Variants in CFAP74 observed in about 807,000 individuals in gnomAD.
CFAP74 encodes the protein cilia and flagella associated protein 74.
CFAP74 carries 124 observed loss-of-function variants against 188.9 expected under a neutral mutation model. The observed-to-expected ratio is 0.66, with a 90% CI of 0.57 to 0.76. The LOEUF (loss-of-function observed/expected upper bound fraction) is 0.76, where lower values mean the gene tolerates loss of function less well. Among genes scored for constraint, CFAP74 ranks in the 30% least tolerant of loss-of-function variants. The pLI is 0.00. For synonymous variants in CFAP74, 956 were observed against 916.7 expected (o/e 1.04, Z -0.77); for missense variants, 2,198 against 2,165.2 (o/e 1.02, Z -0.30).
intron 6 of CFAP74, among the ~76,000 whole-genome samples, chr1:1,978,319 T>TGGACCTGGGAGGGGTGGTGG (rs1486187576): frequency 3.4e-4 from 51 of 151,734 alleles, no homozygotes; most frequent in African/African-American, 1.2e-3. Flanking sequence ...GGGGCGATGC[T>TGGACCTGGGAGGGGTGGTGG]GGACCTGGGA....
At position 1,974,059 on chromosome 1, in the gene CFAP74, C is replaced by T; in HGVS notation, c.640G>A (p.Gly214Arg). Residue 214 changes from glycine to arginine, a missense_variant, in exon 7 of 39, where the codon GGG becomes AGG. Transcript: ENST00000682832. ...EQLCREQEAL[G>R]KVERNRLLRI... ...AGCAGTCGGTTCCGCTCCACCTTCC[C>T]CAGGGCCTCCTGCTCTCTGCAGAGC... 1 of 1,600,930 alleles carries T rather than the reference C, an allele frequency of 6.2e-7. No homozygotes were observed. Among genetic ancestry groups the T allele is most frequent in the Non-Finnish European group, 8.5e-7 (1 of 1,171,598 alleles).
chr1:1,929,679 G>C (rs1441343008), intron 26 of CFAP74, among the ~76,000 whole-genome samples: 1 of 151,854 alleles, frequency 6.6e-6, no homozygotes, highest in Non-Finnish European at 1.5e-5. Context: ...GTGCTGGGTG[G>C]GAGTGGCCGA....
At chr1:1,970,514 C>A in intron 10 of CFAP74, 145 bp downstream of exon 10, 1 of 883,942 alleles carries the variant, frequency 1.1e-6, no homozygotes. Flanking sequence ...CCTGGAGCCC[C>A]TGTTCCCGTG....
intron 1 of CFAP74, among the ~76,000 whole-genome samples, chr1:1,999,614 C>T (rs942203466): frequency 6.6e-6 from 1 of 151,370 alleles, no homozygotes; most frequent in Non-Finnish European, 1.5e-5. Context: ...GTCAGGAGTT[C>T]GAGACCAGCC....
In CFAP74 at chr1:1,972,306, C is replaced by T. The variant is rs540467773; in HGVS notation, c.786-224G>A. ...TGTGGGGTGTTAATTACAGGAGCCT[C>T]GGTGCTATCATTTCCACCAGGAATG... On this transcript the variant is annotated intron_variant, in intron 8 of 38. Transcript: ENST00000682832. 2.6e-5 allele frequency among the ~76,000 whole-genome samples: 4 copies of T among 152,312 alleles called. 1 individual carries two copies. In the East Asian group the frequency reaches 5.8e-4, roughly 22 times the overall value.
At chr1:1,966,834 CTCATTT>C (rs1655507192) in intron 11 of CFAP74, among the ~76,000 whole-genome samples, 1 of 150,664 alleles carries the variant, frequency 6.6e-6, no homozygotes, top group Non-Finnish European at 1.5e-5. Flanking sequence ...CTCATCTGTT[CTCATTT>C]TTTTTTTTTT....
At chr1:1,957,734 T>G (rs576309802) in intron 16 of CFAP74, among the ~76,000 whole-genome samples, 103 of 151,382 alleles carry the variant, frequency 6.8e-4, no homozygotes, top group African/African-American at 2.5e-3. Flanking sequence ...GCTCCCAGGC[T>G]GAGCAGGAGG....
chr1:1,954,553 TG>T (rs1449984576), intron 18 of CFAP74: 1 of 159,088 alleles, frequency 6.3e-6, no homozygotes, highest in African/African-American at 2.4e-5. Flanking sequence ...GAGGCTGAGG[TG>T]GGCAGACAGC....
At chr1:1,976,293 C>T (rs556835145) in intron 6 of CFAP74, among the ~76,000 whole-genome samples, 1 of 152,238 alleles carries the variant, frequency 6.6e-6, no homozygotes, top group African/African-American at 2.4e-5. Flanking sequence ...GTGTTGGGGT[C>T]GTGGGGCGGC....
At chr1:1,952,594 G>GAAAGAAAA (rs745471624) in intron 18 of CFAP74, among the ~76,000 whole-genome samples, 5 of 150,314 alleles carry the variant, frequency 3.3e-5, no homozygotes, top group African/African-American at 1.2e-4. Flanking sequence ...CAAAGAAAAA[G>GAAAGAAAA]AAAGAAAGAA....
At chr1:1,926,844 C>G in intron 29 of CFAP74, 50 bp downstream of exon 29, 1 of 1,549,250 alleles carries the variant, frequency 6.5e-7, no homozygotes, top group Non-Finnish European at 8.7e-7. Context: ...AGCAGAGGGA[C>G]AGCGCGTTTG....
At chr1:1,935,867 T>TACACACACACAC (rs35582265) in intron 25 of CFAP74, among the ~76,000 whole-genome samples, 2 of 147,802 alleles carry the variant, frequency 1.4e-5, no homozygotes, top group African/African-American at 5.0e-5. Context: ...TTTTCAGCAC[T>TACACACACACAC]ACACACACAC....
At chr1:1,941,500 G>A (rs1035356186) in intron 22 of CFAP74, among the ~76,000 whole-genome samples, 1 of 152,228 alleles carries the variant, frequency 6.6e-6, no homozygotes, top group Non-Finnish European at 1.5e-5. Context: ...TTAGACGAGG[G>A]ACAGCTGGGT....
At chr1:1,960,136 T>C in intron 14 of CFAP74, 106 bp from the exon 15 acceptor site, 1 of 954,644 alleles carries the variant, frequency 1.0e-6, no homozygotes. Flanking sequence ...CTCCTCCCCA[T>C]CCCGGGCCTG....
intron 25 of CFAP74, among the ~76,000 whole-genome samples, chr1:1,931,211 C>T (rs904919231): frequency 2.6e-5 from 4 of 151,938 alleles, no homozygotes; most frequent in Non-Finnish European, 4.4e-5. Flanking sequence ...GGGCGGATCA[C>T]GAGGTCAGGA....
chr1:1,979,489 C>T (rs1293017847), intron 6 of CFAP74, among the ~76,000 whole-genome samples: 1 of 140,944 alleles, frequency 7.1e-6, no homozygotes, highest in Non-Finnish European at 1.6e-5. Flanking sequence ...TGGTACTGAG[C>T]TGGGCGTGGG....
At position 1,971,935 on chromosome 1, in the gene CFAP74, G is replaced by A. The variant is rs747792505; in HGVS notation, c.888+45C>T. ...GAGCAGGGGCCCAGGGACGGACCCC[G>A]GCAGGGCGCCAAGGGAGAGGCTGGG... On this transcript the variant is annotated intron_variant, in intron 9 of 38. Transcript: ENST00000682832. 4.2e-5 allele frequency: 62 copies of A among 1,478,204 alleles called. No homozygotes were observed. The Middle Eastern group carries it at 5.1e-4, about 12-fold the overall frequency. The allele number at this position is 1,478,204 out of a possible 1,614,324, so 91.6% of individuals were successfully genotyped here.
Position 1,930,076 on chromosome 1 carries a change from G to T in CFAP74, c.3272C>A (p.Thr1091Asn). ...SPITISPSVG[T>N]VWPGKRCLVQ... ...CACACCCACCTTTCCTGGCCACACG[G>T]TCCCCACTGAGGGCGAGATGGTGAT... The change falls in exon 26 of 39, where the codon ACC (threonine) becomes AAC (asparagine). Residue 1091 changes from threonine (T) to asparagine (N), a missense_variant. By Grantham distance (65) the Thr-to-Asn change is moderately conservative. Coordinates refer to ENST00000682832, the MANE Select transcript of CFAP74 (RefSeq NM_001304360.2). 6.6e-7 allele frequency: 1 copy of T among 1,526,520 alleles called. No individual in the cohort carries two copies. The highest frequency in any genetic ancestry group is 1.4e-5 in the African/African-American group (1 of 73,004). The allele number at this position is 1,526,520 out of a possible 1,614,324, so 94.6% of individuals were successfully genotyped here.
intron 1 of CFAP74, among the ~76,000 whole-genome samples, chr1:1,991,836 G>A (rs571295425): frequency 2.8e-4 from 43 of 152,016 alleles, no homozygotes; most frequent in East Asian, 1.4e-3. Context: ...TCAGGAGATC[G>A]AGACTATCCT....
Sources: allele counts gnomAD v4.1 joint callset (sites outside exome capture counted in the v4.1 genomes callset), GRCh38; gene constraint gnomAD v4.1.1; transcripts MANE v1.5; gene names NCBI Gene and HGNC (gene_info 2026-07-23, HGNC 2026-07-21).